The following SNTB1 variants were observed in gnomAD, a reference collection of about 807,000 sequenced individuals.
SNTB1 encodes syntrophin beta 1, also known as beta-1-syntrophin.
In SNTB1, 36 loss-of-function variants were observed where a neutral mutation model predicts 48.9. The observed-to-expected ratio is 0.74, with a 90% CI of 0.56 to 0.97. The LOEUF (loss-of-function observed/expected upper bound fraction) is 0.97. SNTB1 is among the 50% of genes least tolerant of loss of function. The pLI, the probability that SNTB1 is intolerant of heterozygous loss-of-function variation, is 0.00. For missense variants in SNTB1, 786 were observed against 703.4 expected, an observed-to-expected ratio of 1.12 and a Z score of -1.33; for synonymous variants, 299 against 294.6, an observed-to-expected ratio of 1.01 and a Z score of -0.15.
intron 1 of SNTB1, among the ~76,000 whole-genome samples, chr8:120,799,887 A>C (rs1820192045): frequency 1.3e-5 from 2 of 152,078 alleles, no homozygotes; most frequent in Admixed American, 1.3e-4. Flanking sequence ...GGCATTATGC[A>C]ACTTTTCAAA....
intron 1 of SNTB1, chr8:120,769,221 C>G (rs1435886717): frequency 1.3e-5 from 2 of 151,564 alleles, no homozygotes; most frequent in African/African-American, 4.8e-5. Context: ...GTTTTAGCAC[C>G]AATAGAGTTG....
intron 1 of SNTB1, among the ~76,000 whole-genome samples, chr8:120,799,506 G>C (rs890023935): frequency 2.0e-5 from 3 of 151,754 alleles, no homozygotes; most frequent in African/African-American, 7.3e-5. Flanking sequence ...AAAATGGTTT[G>C]GGAACTTAGA....
intron 1 of SNTB1, among the ~76,000 whole-genome samples, chr8:120,734,453 A>T (rs1818906337): frequency 6.6e-6 from 1 of 151,946 alleles, no homozygotes; most frequent in African/African-American, 2.4e-5. Context: ...TCTCAAAAAA[A>T]AAAAAAAAGC....
intron 2 of SNTB1, among the ~76,000 whole-genome samples, chr8:120,672,850 AG>A (rs891683297): frequency 2.9e-4 from 44 of 152,194 alleles, no homozygotes; most frequent in Non-Finnish European, 6.2e-4. Context: ...CAGTTATCAC[AG>A]GGGGATGATT....
At chr8:120,789,499 C>T (rs1352419389) in intron 1 of SNTB1, among the ~76,000 whole-genome samples, 1 of 151,622 alleles carries the variant, frequency 6.6e-6, no homozygotes, top group Non-Finnish European at 1.5e-5. Context: ...GCTAGATTAA[C>T]CAAGAAGAGA....
At chr8:120,728,547 T>C (rs1818798503) in intron 1 of SNTB1, among the ~76,000 whole-genome samples, 1 of 152,156 alleles carries the variant, frequency 6.6e-6, no homozygotes. Flanking sequence ...ATGTCCAAAA[T>C]CACCCAATGT....
At chr8:120,714,214 C>G (rs1818516148) in intron 1 of SNTB1, among the ~76,000 whole-genome samples, 1 of 152,174 alleles carries the variant, frequency 6.6e-6, no homozygotes, top group Admixed American at 6.5e-5. Context: ...GAAACACTCT[C>G]TTTTGCCCAC....
intron 3 of SNTB1, among the ~76,000 whole-genome samples, chr8:120,597,945 T>A (rs1399311506): frequency 6.6e-6 from 1 of 152,250 alleles, no homozygotes. Context: ...AAACAGAACA[T>A]ACATTGTATG....
At chr8:120,673,456 A>C (rs1339514462) in intron 2 of SNTB1, among the ~76,000 whole-genome samples, 1 of 151,590 alleles carries the variant, frequency 6.6e-6, no homozygotes, top group Non-Finnish European at 1.5e-5. Context: ...ATGCCCAGTT[A>C]ATTTTTGTAG....
intron 3 of SNTB1, among the ~76,000 whole-genome samples, chr8:120,626,211 G>GTATA (rs941058373): frequency 6.6e-6 from 1 of 151,444 alleles, no homozygotes; most frequent in Non-Finnish European, 1.5e-5. Context: ...ACTATAGTAT[G>GTATA]TATATATATA....
intron 4 of SNTB1, among the ~76,000 whole-genome samples, chr8:120,569,390 AG>A (rs911051187): frequency 1.3e-5 from 2 of 152,202 alleles, no homozygotes; most frequent in Admixed American, 1.3e-4. Context: ...CTTTACTCTC[AG>A]TTCAGACCTG....
rs114050196 is a variant in SNTB1, at chr8:120,625,310, T to C, written c.996+7134A>G. Reference sequence around the variant, plus strand: ...AGTTCTATGGTTCTCTCCAAAGAGATTGAAGCAGGCCCATATGAAGTTGTA... The same window carrying C: ...AGTTCTATGGTTCTCTCCAAAGAGACTGAAGCAGGCCCATATGAAGTTGTA... On this transcript the variant is annotated intron_variant, in intron 3 of 6. Transcript: ENST00000517992. Among the ~76,000 whole-genome samples, 1,088 of 152,274 alleles carry C rather than the reference T, an allele frequency of 7.1e-3. 20 individuals are homozygous for C. The highest frequency in any genetic ancestry group is 0.025 in the African/African-American group (1,025 of 41,550).
chr8:120,603,683 C>G (rs893649215), intron 3 of SNTB1, among the ~76,000 whole-genome samples: 2 of 152,200 alleles, frequency 1.3e-5, no homozygotes, highest in African/African-American at 4.8e-5. Context: ...GGACACGACA[C>G]TGTGCCCATA....
At chr8:120,654,472 T>C (rs991302495) in intron 2 of SNTB1, among the ~76,000 whole-genome samples, 16 of 152,184 alleles carry the variant, frequency 1.1e-4, no homozygotes, top group Non-Finnish European at 1.0e-4. Flanking sequence ...CCCTGCTGAA[T>C]AGAAATATTT....
chr8:120,586,671 A>T (rs1816146398), intron 3 of SNTB1, among the ~76,000 whole-genome samples: 1 of 152,142 alleles, frequency 6.6e-6, no homozygotes, highest in Admixed American at 6.6e-5. Context: ...GTAAGTCAAC[A>T]CATCACAGGT....
At chr8:120,583,676 GA>G (rs1816086387) in intron 3 of SNTB1, among the ~76,000 whole-genome samples, 1 of 152,008 alleles carries the variant, frequency 6.6e-6, no homozygotes, top group Non-Finnish European at 1.5e-5. Flanking sequence ...AAATAGTTAA[GA>G]AATAATACCA....
intron 1 of SNTB1, among the ~76,000 whole-genome samples, chr8:120,718,681 G>C (rs1818604343): frequency 6.6e-6 from 1 of 152,156 alleles, no homozygotes; most frequent in Admixed American, 6.5e-5. Context: ...ACTTGGGGTG[G>C]TTTGACAGGT....
chr8:120,761,626 A>G (rs1348556344), intron 1 of SNTB1, among the ~76,000 whole-genome samples: 12 of 152,202 alleles, frequency 7.9e-5, no homozygotes, highest in Admixed American at 7.9e-4. Context: ...CTTGGAACAC[A>G]TTGTATTACC....
chr8:120,629,024 A>T (rs1438331642), intron 3 of SNTB1, among the ~76,000 whole-genome samples: 1 of 152,104 alleles, frequency 6.6e-6, no homozygotes, highest in Non-Finnish European at 1.5e-5. Context: ...GTTCCAGTCG[A>T]GGTGTCAGGT....
Sources: allele counts gnomAD v4.1 joint callset (sites outside exome capture counted in the v4.1 genomes callset), GRCh38; gene constraint gnomAD v4.1.1; transcripts MANE v1.5; gene names NCBI Gene and HGNC (gene_info 2026-07-23, HGNC 2026-07-21).